The following TMEM135 variants were observed in gnomAD, a reference collection of about 807,000 sequenced individuals.
The protein encoded by TMEM135 is transmembrane protein 135, also known as peroxisomal membrane protein 52.
TMEM135 carries 30 observed loss-of-function variants against 60.3 expected under a neutral mutation model. The observed-to-expected ratio is 0.50, with a 90% CI of 0.37 to 0.68. The LOEUF (loss-of-function observed/expected upper bound fraction) is 0.68. TMEM135 is among the 30% of genes least tolerant of loss of function. The probability of loss-of-function intolerance (pLI) is 0.00; values close to 1 mark genes in which losing one functional copy is unlikely to be tolerated. For synonymous variants in TMEM135, 190 were observed against 186.7 expected (o/e 1.02, Z -0.14); for missense variants, 468 against 548.8 (o/e 0.85, Z 1.47).
At chr11:87,072,111 C>T (rs1032386842) in intron 3 of TMEM135, among the ~76,000 whole-genome samples, 37 of 152,086 alleles carry the variant, frequency 2.4e-4, no homozygotes, top group African/African-American at 7.2e-4. Context: ...GAGGATCACC[C>T]GAGTCCCCAG....
intron 4 of TMEM135, among the ~76,000 whole-genome samples, chr11:87,122,913 A>C (rs77616611): frequency 0.13 from 19,603 of 152,192 alleles, 1,345 homozygotes; most frequent in Middle Eastern, 0.15. Flanking sequence ...GAAGTTGAGT[A>C]ACTTTTTCTA....
intron 4 of TMEM135, among the ~76,000 whole-genome samples, chr11:87,146,656 A>C (rs1326402310): frequency 6.6e-6 from 1 of 152,182 alleles, no homozygotes; most frequent in Non-Finnish European, 1.5e-5. Context: ...GTATTTGTCA[A>C]ACATCCGTTA....
chr11:87,076,361 A>G (rs973911384), intron 3 of TMEM135, among the ~76,000 whole-genome samples: 5 of 152,088 alleles, frequency 3.3e-5, no homozygotes, highest in Non-Finnish European at 4.4e-5. Context: ...GCTGATGTTC[A>G]CTTAAATACC....
At chr11:87,220,355 A>T (rs970443547) in intron 5 of TMEM135, among the ~76,000 whole-genome samples, 2 of 152,246 alleles carry the variant, frequency 1.3e-5, no homozygotes, top group African/African-American at 4.8e-5. Context: ...CACTAAAAAG[A>T]GTACATTTAG....
chr11:87,178,838 A>G (rs1356383819), intron 5 of TMEM135, among the ~76,000 whole-genome samples: 1 of 151,822 alleles, frequency 6.6e-6, no homozygotes, highest in African/African-American at 2.4e-5. Flanking sequence ...TTAATTGACC[A>G]TTTGGATTAT....
At chr11:87,147,724 C>T (rs961757770) in intron 4 of TMEM135, among the ~76,000 whole-genome samples, 1 of 152,118 alleles carries the variant, frequency 6.6e-6, no homozygotes, top group African/African-American at 2.4e-5. Flanking sequence ...TCTTAAGTCT[C>T]TTGTCTAGCA....
chr11:87,232,748 G>A (rs573011916), intron 5 of TMEM135, among the ~76,000 whole-genome samples: 63 of 152,248 alleles, frequency 4.1e-4, no homozygotes, highest in African/African-American at 1.3e-3. Flanking sequence ...TATTCTATGT[G>A]TTAAGTAGTA....
intron 5 of TMEM135, among the ~76,000 whole-genome samples, chr11:87,203,180 C>T (rs1444288330): frequency 6.6e-6 from 1 of 151,800 alleles, no homozygotes; most frequent in East Asian, 1.9e-4. Flanking sequence ...ACACTTGTTA[C>T]AATTGATAAA....
intron 4 of TMEM135, among the ~76,000 whole-genome samples, chr11:87,109,156 T>G (rs1188418360): frequency 6.6e-6 from 1 of 152,174 alleles, no homozygotes; most frequent in Non-Finnish European, 1.5e-5. Context: ...TGTGTACATA[T>G]GGAAAAACTT....
chr11:87,312,664 C>G (rs1369496513), intron 10 of TMEM135, among the ~76,000 whole-genome samples: 1 of 151,814 alleles, frequency 6.6e-6, no homozygotes. Context: ...ATAATTAGAA[C>G]TTGATGTAAT....
chr11:87,057,826 T>TGTGTGC (rs1218988562), intron 1 of TMEM135, among the ~76,000 whole-genome samples: 2 of 151,990 alleles, frequency 1.3e-5, no homozygotes, highest in African/African-American at 4.8e-5. Flanking sequence ...TTTGTGTGTG[T>TGTGTGC]GTATAAAATA....
At chr11:87,204,739 T>C (rs1940197652) in intron 5 of TMEM135, among the ~76,000 whole-genome samples, 2 of 149,816 alleles carry the variant, frequency 1.3e-5, no homozygotes, top group South Asian at 4.1e-4. Flanking sequence ...ATCTTTACAC[T>C]GAGGAGGAGG....
chr11:87,125,227 C>G (rs1332412183), intron 4 of TMEM135, among the ~76,000 whole-genome samples: 1 of 152,170 alleles, frequency 6.6e-6, no homozygotes, highest in Non-Finnish European at 1.5e-5. Flanking sequence ...CACAGATAGC[C>G]AATGCGCTGT....
intron 4 of TMEM135, among the ~76,000 whole-genome samples, chr11:87,120,506 C>G (rs1473561353): frequency 3.6e-5 from 4 of 111,166 alleles, no homozygotes; most frequent in South Asian, 3.0e-4. Flanking sequence ...GAGTTTCGCT[C>G]TGTCACCCAG....
intron 6 of TMEM135, among the ~76,000 whole-genome samples, chr11:87,282,092 G>T (rs1230504688): frequency 6.6e-6 from 1 of 152,138 alleles, no homozygotes; most frequent in Non-Finnish European, 1.5e-5. Context: ...CTGAATTCAG[G>T]AGGTCTGGAG....
rs1179154589 is a variant in TMEM135 at position 87,326,491 on chromosome 11, A to G, written c.*5158A>G. On this transcript the variant is annotated 3_prime_UTR_variant, in exon 15 of 15. Coordinates refer to ENST00000305494, the MANE Select transcript of TMEM135 (RefSeq NM_022918.4). ...GGTCACCTAAGAGGACCCTGAAGCT[A>G]TAGTGCCAAAGGTTTAAAGCATGAA... 2 of 454,020 alleles carry G rather than the reference A, an allele frequency of 4.4e-6. No individual in the cohort carries two copies. The highest frequency in any genetic ancestry group is 2.0e-5 in the African/African-American group (1 of 50,026). 28.1% of individuals were successfully genotyped at this position (454,020 alleles called of 1,614,324 possible). A position where few individuals can be genotyped will look rare whatever the true frequency, so the allele number is the denominator to read the frequency against.
chr11:87,313,701 G>A (rs1018608581), intron 11 of TMEM135, among the ~76,000 whole-genome samples: 5 of 151,664 alleles, frequency 3.3e-5, no homozygotes, highest in Admixed American at 6.6e-5. Context: ...ATAATGGCTT[G>A]GGTATCTGTC....
intron 4 of TMEM135, chr11:87,096,202 C>T (rs1404837002): frequency 6.6e-6 from 2 of 303,792 alleles, no homozygotes; most frequent in Non-Finnish European, 6.6e-6. Flanking sequence ...TTAAACTCTT[C>T]TACAAATTCT....
At chr11:87,262,101 T>C (rs528923207) in intron 6 of TMEM135, among the ~76,000 whole-genome samples, 3 of 152,364 alleles carry the variant, frequency 2.0e-5, no homozygotes, top group African/African-American at 7.2e-5. Flanking sequence ...TATAAATAAG[T>C]ATTTAAACCT....
Sources: allele counts gnomAD v4.1 joint callset (sites outside exome capture counted in the v4.1 genomes callset), GRCh38; gene constraint gnomAD v4.1.1; transcripts MANE v1.5; gene names NCBI Gene and HGNC (gene_info 2026-07-23, HGNC 2026-07-21).